Variants in RANBP2 observed in about 807,000 individuals in gnomAD.
RANBP2 encodes RAN binding protein 2.
In RANBP2, 57 loss-of-function variants were observed where a neutral mutation model predicts 303.6. The observed-to-expected ratio is 0.19, with a 90% CI of 0.15 to 0.23. The LOEUF is 0.23. RANBP2 is among the 10% of genes least tolerant of loss of function. The pLI, the probability that RANBP2 is intolerant of heterozygous loss-of-function variation, is 1.00. For missense variants in RANBP2, 3,138 were observed against 3,780.8 expected, an observed-to-expected ratio of 0.83 and a Z score of 4.46; for synonymous variants, 1,167 against 1,301.5, an observed-to-expected ratio of 0.90 and a Z score of 2.23.
chr2:108,919,775 G>T, the RANBP2 span, among the ~76,000 whole-genome samples: 15 of 151,970 alleles, frequency 9.9e-5, no homozygotes, highest in Non-Finnish European at 2.2e-4. Flanking sequence ...GAGGCTCCGT[G>T]GGGCACCTGC....
chr2:108,994,817 TATATATATATA>T, the RANBP2 span, among the ~76,000 whole-genome samples: 1 of 18,736 alleles, frequency 5.3e-5, no homozygotes, highest in Non-Finnish European at 1.0e-4. Context: ...TATATATATA[TATATATATATA>T]TCTTTTTTTT....
At chr2:108,849,003 AG>A in the RANBP2 span, among the ~76,000 whole-genome samples, 1 of 152,200 alleles carries the variant, frequency 6.6e-6, no homozygotes, top group South Asian at 2.1e-4. Context: ...GGAAAACATG[AG>A]CCTGGTAAGG....
At chr2:108,948,322 G>C in the RANBP2 span, among the ~76,000 whole-genome samples, 19 of 152,194 alleles carry the variant, frequency 1.2e-4, no homozygotes, top group Admixed American at 1.0e-3. Context: ...ACGTTCCCAT[G>C]TCTTCCTGTC....
chr2:109,353,236 C>A, the RANBP2 span, among the ~76,000 whole-genome samples: 1 of 152,242 alleles, frequency 6.6e-6, no homozygotes, highest in Non-Finnish European at 1.5e-5. Context: ...GCTGCACTGG[C>A]CTCCTGGTGG....
At chr2:109,655,201 G>C in the RANBP2 span, among the ~76,000 whole-genome samples, 1 of 152,084 alleles carries the variant, frequency 6.6e-6, no homozygotes, top group Admixed American at 6.6e-5. Flanking sequence ...GCACCCGGCT[G>C]GTGATCTTTT....
At chr2:109,585,194 A>G in the RANBP2 span, 5 of 1,611,984 alleles carry the variant, frequency 3.1e-6, no homozygotes, top group African/African-American at 2.7e-5. Context: ...ATTGAACATT[A>G]CTTTCCTGGA....
At chr2:109,708,570 G>A in the RANBP2 span, among the ~76,000 whole-genome samples, 2 of 151,800 alleles carry the variant, frequency 1.3e-5, no homozygotes, top group Admixed American at 6.6e-5. Flanking sequence ...AGGTTGCAGT[G>A]AGCCTGGGAG....
intron 6 of RANBP2, among the ~76,000 whole-genome samples, chr2:108,737,555 T>A (rs1281288291): frequency 1.4e-5 from 2 of 147,200 alleles, no homozygotes; most frequent in East Asian, 4.0e-4. Context: ...CAAGCTCTTT[T>A]TTTTTTTTTT....
the RANBP2 span, among the ~76,000 whole-genome samples, chr2:109,470,206 A>G: frequency 2.0e-5 from 3 of 152,176 alleles, no homozygotes; most frequent in African/African-American, 7.2e-5. Flanking sequence ...CACTACGTAA[A>G]GAGATGAGAT....
At chr2:109,710,074 A>T in the RANBP2 span, among the ~76,000 whole-genome samples, 1 of 147,604 alleles carries the variant, frequency 6.8e-6, no homozygotes, top group Non-Finnish European at 1.5e-5. Flanking sequence ...GTGACAGAGC[A>T]AGACTCCGTC....
the RANBP2 span, among the ~76,000 whole-genome samples, chr2:109,726,669 T>C: frequency 6.6e-6 from 1 of 152,102 alleles, no homozygotes. Context: ...GTTTTTTTAG[T>C]TTTTGCGTTT....
the RANBP2 span, among the ~76,000 whole-genome samples, chr2:109,076,496 A>C: frequency 5.3e-5 from 8 of 150,498 alleles, 2 homozygotes; most frequent in Non-Finnish European, 1.2e-4. Flanking sequence ...ATGGTCCTAC[A>C]TGTAGAAAAT....
At chr2:109,441,109 G>A in the RANBP2 span, among the ~76,000 whole-genome samples, 1 of 128,948 alleles carries the variant, frequency 7.8e-6, no homozygotes, top group East Asian at 2.0e-4. Flanking sequence ...CCAGAACAAA[G>A]CTTAAGAATA....
chr2:109,042,154 C>A, the RANBP2 span, among the ~76,000 whole-genome samples: 4 of 152,162 alleles, frequency 2.6e-5, no homozygotes, highest in Admixed American at 2.6e-4. Flanking sequence ...AAATAAGTCA[C>A]TTCTTTTCCT....
At chr2:108,768,839 C>G (rs1186599889) in intron 20 of RANBP2, among the ~76,000 whole-genome samples, 3 of 152,038 alleles carry the variant, frequency 2.0e-5, no homozygotes, top group Admixed American at 2.0e-4. Flanking sequence ...TCGAGACCAG[C>G]CTGGCCAGCA....
At chr2:109,356,314 C>A in the RANBP2 span, among the ~76,000 whole-genome samples, 1 of 152,178 alleles carries the variant, frequency 6.6e-6, no homozygotes, top group Non-Finnish European at 1.5e-5. Flanking sequence ...GAATTTCCCA[C>A]ATTGATATTT....
At chr2:109,560,702 C>T in the RANBP2 span, among the ~76,000 whole-genome samples, 1 of 152,164 alleles carries the variant, frequency 6.6e-6, no homozygotes, top group East Asian at 1.9e-4. Context: ...GTGCCTACCA[C>T]TGCTGCCTCA....
chr2:109,609,451 T>C, the RANBP2 span, among the ~76,000 whole-genome samples: 1 of 152,004 alleles, frequency 6.6e-6, no homozygotes, highest in Non-Finnish European at 1.5e-5. Flanking sequence ...TAGGAGGTAC[T>C]GCAAGGTAGC....
At chr2:109,256,272 C>T in the RANBP2 span, among the ~76,000 whole-genome samples, 5 of 152,150 alleles carry the variant, frequency 3.3e-5, no homozygotes, top group Non-Finnish European at 7.4e-5. Context: ...TCACTTGGGC[C>T]TGGTTGAGCG....
Sources: allele counts gnomAD v4.1 joint callset (sites outside exome capture counted in the v4.1 genomes callset), GRCh38; gene constraint gnomAD v4.1.1; transcripts MANE v1.5; gene names NCBI Gene and HGNC (gene_info 2026-07-23, HGNC 2026-07-21).